PAM: variants seen among roughly 807,000 people sequenced by gnomAD.
The protein encoded by PAM is peptidylglycine alpha-amidating monooxygenase.
In PAM, 72 loss-of-function variants were observed where a neutral mutation model predicts 122.1. That is an observed-to-expected ratio of 0.59 (90% confidence interval 0.49 to 0.72). The LOEUF is 0.72. Among genes scored for constraint, PAM ranks in the 30% least tolerant of loss-of-function variants. The pLI is 0.00. For synonymous variants in PAM, 389 were observed against 404.4 expected (o/e 0.96, Z 0.46); for missense variants, 1,106 against 1,183.7 (o/e 0.93, Z 0.96).
chr5:102,895,374 C>T (rs1011662152), intron 3 of PAM, among the ~76,000 whole-genome samples: 3 of 151,696 alleles, frequency 2.0e-5, no homozygotes, highest in Admixed American at 1.3e-4. Flanking sequence ...AGGGCAGAGA[C>T]TATGTATACT....
intron 3 of PAM, among the ~76,000 whole-genome samples, chr5:102,875,404 G>A (rs1429116602): frequency 1.3e-5 from 2 of 151,978 alleles, no homozygotes; most frequent in African/African-American, 4.8e-5. Context: ...GTGTTTCCCA[G>A]GCTGGTATCA....
rs1372268948 is a variant in PAM at position 102,881,370 on chromosome 5, A to G, written c.210+13977A>G. ...TCAGATAAATTAAGGGAAAAAAGTT[A>G]CTATTTTTTTTTACCCATTAATTTT... On this transcript the variant is annotated intron_variant, in intron 3 of 25. Coordinates refer to ENST00000438793, the MANE Select transcript of PAM (RefSeq NM_001177306.2). Among the ~76,000 whole-genome samples, 6 of 152,040 alleles carry G rather than the reference A, an allele frequency of 3.9e-5. No homozygotes were observed. In the East Asian group the frequency reaches 1.2e-3, roughly 29 times the overall value.
At chr5:102,760,726 G>C (rs1294290522) in intron 1 of PAM, among the ~76,000 whole-genome samples, 2 of 152,128 alleles carry the variant, frequency 1.3e-5, no homozygotes, top group African/African-American at 4.8e-5. Context: ...GATTTCGACA[G>C]CATAAAAATG....
chr5:102,996,751 T>A (rs1322540494), intron 16 of PAM, among the ~76,000 whole-genome samples: 1 of 152,212 alleles, frequency 6.6e-6, no homozygotes, highest in Non-Finnish European at 1.5e-5. Context: ...ACAATGATTT[T>A]AAATGAACTG....
At chr5:102,757,436 G>T in intron 1 of PAM, among the ~76,000 whole-genome samples, 1 of 152,204 alleles carries the variant, frequency 6.6e-6, no homozygotes, top group East Asian at 1.9e-4. Flanking sequence ...AAAATGCCAT[G>T]TGCTCCTACT....
At chr5:103,011,807 A>G (rs1780715440) in intron 21 of PAM, among the ~76,000 whole-genome samples, 1 of 145,762 alleles carries the variant, frequency 6.9e-6, no homozygotes, top group South Asian at 2.1e-4. Context: ...CTTGTATGAT[A>G]GCTCTACTTT....
intron 3 of PAM, among the ~76,000 whole-genome samples, chr5:102,891,889 A>G (rs1000659380): frequency 6.6e-6 from 1 of 151,806 alleles, no homozygotes; most frequent in Non-Finnish European, 1.5e-5. Context: ...ATAAACTTAG[A>G]ATGCTGTCAG....
chr5:102,843,368 G>A (rs1035163301), intron 1 of PAM, among the ~76,000 whole-genome samples: 7 of 151,912 alleles, frequency 4.6e-5, no homozygotes, highest in Non-Finnish European at 8.8e-5. Flanking sequence ...ATACAAAAAC[G>A]AACACAAAAT....
chr5:103,022,012 A>G (rs1171623759), intron 23 of PAM, among the ~76,000 whole-genome samples: 1 of 152,064 alleles, frequency 6.6e-6, no homozygotes, highest in East Asian at 1.9e-4. Flanking sequence ...ATAAAAAAAA[A>G]CTGATGAAAA....
At chr5:102,881,742 C>A (rs749476865) in intron 3 of PAM, among the ~76,000 whole-genome samples, 6 of 148,260 alleles carry the variant, frequency 4.0e-5, no homozygotes, top group African/African-American at 1.5e-4. Flanking sequence ...TCTTTGGTTA[C>A]GTGAATAAGT....
intron 5 of PAM, among the ~76,000 whole-genome samples, chr5:102,924,488 C>A (rs1439903605): frequency 6.6e-6 from 1 of 151,160 alleles, no homozygotes; most frequent in African/African-American, 2.4e-5. Flanking sequence ...TTGTATTGCT[C>A]ACCCCACTGA....
intron 16 of PAM, among the ~76,000 whole-genome samples, chr5:102,991,570 A>G (rs768635041): frequency 6.6e-6 from 1 of 152,166 alleles, no homozygotes; most frequent in Non-Finnish European, 1.5e-5. Flanking sequence ...TCTGTCACGT[A>G]TGCATATGTC....
At position 102,828,922 on chromosome 5, in the gene PAM, T is replaced by G. The variant is rs574889082; in HGVS notation, c.-373-36901T>G. Among the ~76,000 whole-genome samples the G allele has an allele frequency of 4.7e-4, 69 of 146,358 alleles. 1 individual carries two copies. Among genetic ancestry groups the G allele is most frequent in the African/African-American group, 1.7e-3 (66 of 38,022 alleles). On this transcript the variant is annotated intron_variant, in intron 1 of 25. Transcript: ENST00000438793. ...ATAAGAAATTCCTACCTCAGGGTTT[T>G]TTTTTTTTTTTTTTTGAGACAGAGT...
chr5:102,924,727 T>C (rs907933974), intron 5 of PAM, among the ~76,000 whole-genome samples: 9 of 151,718 alleles, frequency 5.9e-5, no homozygotes, highest in African/African-American at 1.9e-4. Context: ...ACAGGATTGT[T>C]TCATATCAGG....
In PAM at chr5:102,977,658, G is replaced by GCGCACA. The variant is rs1195392580; in HGVS notation, c.1483+3223_1483+3224insGCACAC. ...CTTCCCAACACACACATGCATGTGC[G>GCGCACA]CACACACACACACACACACACACAC... On this transcript the variant is annotated intron_variant, in intron 15 of 25. Coordinates refer to ENST00000438793, the MANE Select transcript of PAM (RefSeq NM_001177306.2). 8.8e-4 allele frequency among the ~76,000 whole-genome samples: 126 copies of GCGCACA among 143,044 alleles called. No homozygotes were observed. In the South Asian group the frequency reaches 0.01, roughly 11 times the overall value. The allele number at this position is 143,044 out of a possible 152,430, so 93.8% of individuals were successfully genotyped here.
intron 14 of PAM, among the ~76,000 whole-genome samples, chr5:102,962,866 A>G (rs540928023): frequency 5.3e-5 from 8 of 151,836 alleles, no homozygotes; most frequent in Non-Finnish European, 1.0e-4. Context: ...AACATTATCT[A>G]TATACCCAAA....
chr5:102,757,973 T>C (rs973366349), intron 1 of PAM, among the ~76,000 whole-genome samples: 1 of 147,414 alleles, frequency 6.8e-6, no homozygotes, highest in African/African-American at 2.5e-5. Context: ...AACTGGGAGG[T>C]TGAGGCTATA....
intron 15 of PAM, among the ~76,000 whole-genome samples, chr5:102,986,029 C>A (rs542887326): frequency 2.0e-5 from 3 of 152,126 alleles, no homozygotes; most frequent in Admixed American, 1.3e-4. Context: ...TGCTAAAATT[C>A]TATTTTTCTT....
At chr5:102,983,547 A>G (rs1244176937) in intron 15 of PAM, among the ~76,000 whole-genome samples, 1 of 152,126 alleles carries the variant, frequency 6.6e-6, no homozygotes, top group Non-Finnish European at 1.5e-5. Flanking sequence ...AAACTGACCA[A>G]ATATCCTAAT....
Sources: gnomAD v4.1 joint callset for allele counts (sites outside exome capture counted in the v4.1 genomes callset) on GRCh38, gnomAD v4.1.1 for gene constraint, MANE v1.5 for transcripts, NCBI Gene and HGNC (gene_info 2026-07-23, HGNC 2026-07-21) for gene names.